Variants in TEX14 observed in about 807,000 individuals in gnomAD.
The protein encoded by TEX14 is testis expressed 14, intercellular bridge forming factor.
Under a neutral mutation model 178.6 loss-of-function variants are expected in TEX14, and 168 were observed. That is an observed-to-expected ratio of 0.94 (90% CI 0.83 to 1.07). The LOEUF (loss-of-function observed/expected upper bound fraction) is 1.07. Among genes scored for constraint, TEX14 ranks in the 50% least tolerant of loss-of-function variants. The pLI, the probability that TEX14 is intolerant of heterozygous loss-of-function variation, is 0.00. For missense variants in TEX14, 1,730 were observed against 1,753.6 expected (o/e 0.99, Z 0.24); for synonymous variants, 626 against 634.1 (o/e 0.99, Z 0.19).
chr17:58,589,087 A>C (rs903758436), intron 15 of TEX14, among the ~76,000 whole-genome samples: 5 of 151,676 alleles, frequency 3.3e-5, no homozygotes, highest in African/African-American at 1.2e-4. Flanking sequence ...CAACATGGTG[A>C]AAACTCTATA....
Position 58,569,313 on chromosome 17 carries a change from G to A in TEX14, c.3818-53C>T. ...AATGTCTTAACACCCTCCTGGACCT[G>A]AACTGAATTTTTCTCGGCTCTCACA... On this transcript the variant is annotated intron_variant, in intron 25 of 31. Transcript: ENST00000349033. This position sits in a 1 kb window ranked among gnomAD's most constrained non-coding sequence, Gnocchi z 4.1. The A allele has an allele frequency of 3.4e-6, 5 of 1,454,350 alleles. No homozygotes were observed. The highest frequency in any genetic ancestry group is 4.8e-6 in the Non-Finnish European group (5 of 1,039,646). The allele number at this position is 1,454,350 out of a possible 1,614,324, so 90.1% of individuals were successfully genotyped here. A position where few individuals can be genotyped will look rare whatever the true frequency, so the allele number is the denominator to read the frequency against.
rs1386922720 is a variant in TEX14 at position 58,601,937 on chromosome 17, C to T, written c.1547G>A (p.Arg516Lys). Residue 516 changes from arginine (R) to lysine (K), a missense_variant, in exon 13 of 32, where the codon AGA becomes AAA. Physicochemically the swap from Arg to Lys is conservative, Grantham distance 26. Around this residue, in one of 2 missense-constraint regions of TEX14, gnomAD observed 789 missense variants for 681.2 expected, o/e 1.16. Coordinates refer to ENST00000349033, the MANE Select transcript of TEX14 (RefSeq NM_031272.5). ...NDLKDFTGAQ[R>K]TQPTESPRVQ... ...TCTGGGGCTCTCGGTTGGTTGAGTT[C>T]TCTGGGCTCCAGTAAAATCCTGTAA... 3 of 1,613,124 alleles carry T rather than the reference C, an allele frequency of 1.9e-6. No homozygotes were observed. The highest frequency in any genetic ancestry group is 2.5e-6 in the Non-Finnish European group (3 of 1,179,992).
intron 1 of TEX14, among the ~76,000 whole-genome samples, chr17:58,662,415 T>TCACACACACACACA (rs200980242): frequency 2.8e-4 from 32 of 114,884 alleles, no homozygotes; most frequent in African/African-American, 7.4e-4. Context: ...CACACATATC[T>TCACACACACACACA]CACACACACA....
intron 14 of TEX14, among the ~76,000 whole-genome samples, chr17:58,594,294 G>T (rs2144448413): frequency 6.6e-6 from 1 of 151,542 alleles, no homozygotes; most frequent in Non-Finnish European, 1.5e-5. Context: ...CTTTGTGGCA[G>T]GAGTAAAGGC....
At chr17:58,629,904 GTT>G (rs369488113) in intron 3 of TEX14, among the ~76,000 whole-genome samples, 45 of 126,018 alleles carry the variant, frequency 3.6e-4, no homozygotes, top group East Asian at 3.0e-3. Flanking sequence ...CGTGTTTCGT[GTT>G]TTTTTTTTTT....
chr17:58,656,674 A>T (rs1017745431), intron 1 of TEX14, among the ~76,000 whole-genome samples: 15 of 151,632 alleles, frequency 9.9e-5, no homozygotes, highest in African/African-American at 3.2e-4. Context: ...GAATCGCTTG[A>T]ACCTGGGAGG....
Position 58,556,929 on chromosome 17 carries a change from A to G in TEX14, c.*82T>C. ...AACTGGAACTGCTGCCCTGACAGCAACTGAAGCAGAAAGAGAAGAAAGGAG... is the reference window on the plus strand; with the variant it reads ...AACTGGAACTGCTGCCCTGACAGCAGCTGAAGCAGAAAGAGAAGAAAGGAG... On this transcript the variant is annotated 3_prime_UTR_variant, in exon 32 of 32. Transcript: ENST00000349033. 8.7e-7 allele frequency: 1 copy of G among 1,152,304 alleles called. No individual in the cohort carries two copies. Among genetic ancestry groups the G allele is most frequent in the Non-Finnish European group, 1.3e-6 (1 of 760,346 alleles). 71.4% of individuals were successfully genotyped at this position (1,152,304 alleles called of 1,614,324 possible).
chr17:58,655,372 TG>T, intron 1 of TEX14, among the ~76,000 whole-genome samples: 1 of 152,028 alleles, frequency 6.6e-6, no homozygotes, highest in Non-Finnish European at 1.5e-5. Context: ...TTAGTAAAGA[TG>T]GGTTCTCACC....
chr17:58,677,358 T>C (rs1298182239), intron 1 of TEX14, among the ~76,000 whole-genome samples: 1 of 152,178 alleles, frequency 6.6e-6, no homozygotes, highest in Non-Finnish European at 1.5e-5. Context: ...CCAACATATA[T>C]GTGGTACTCA....
At chr17:58,586,128 G>A (rs1311856801) in intron 17 of TEX14, 46 bp from the exon 18 acceptor site, 3 of 1,546,092 alleles carry the variant, frequency 1.9e-6, no homozygotes, top group Non-Finnish European at 2.6e-6. Context: ...TGTAAACACT[G>A]GAAACACAGG....
chr17:58,687,582 C>T (rs1327289206), intron 1 of TEX14, among the ~76,000 whole-genome samples: 2 of 152,012 alleles, frequency 1.3e-5, no homozygotes, highest in South Asian at 2.1e-4. Flanking sequence ...ATCCACCCAC[C>T]TAAGCCTCCC....
chr17:58,581,852 AG>A, intron 19 of TEX14: 5 of 1,085,018 alleles, frequency 4.6e-6, no homozygotes, highest in Non-Finnish European at 6.6e-6. Context: ...TGTGACACTG[AG>A]CTGACTCTCC....
At chr17:58,621,516 A>T in intron 5 of TEX14, 134 bp downstream of exon 5, 1 of 887,516 alleles carries the variant, frequency 1.1e-6, no homozygotes. Context: ...TTTTCTTTCC[A>T]AGCACACCCC....
intron 15 of TEX14, 104 bp downstream of exon 15, chr17:58,593,451 A>G: frequency 1.2e-6 from 1 of 847,562 alleles, no homozygotes; most frequent in East Asian, 2.5e-5. Flanking sequence ...TTCATCACTC[A>G]CAGTCCTTTT....
In TEX14 at chr17:58,659,153, G is replaced by GAAAAGCGC. The variant is rs1244702883; in HGVS notation, c.-1-7159_-1-7152dup. Among the ~76,000 whole-genome samples the GAAAAGCGC allele has an allele frequency of 5.3e-5, 8 of 151,054 alleles. No individual in the cohort carries two copies. The East Asian group carries it at 1.6e-3, about 30-fold the overall frequency. On this transcript the variant is annotated intron_variant, in intron 1 of 31. Transcript: ENST00000349033. ...TTTAAACTAGTTCAATCACAGGACA[G>GAAAAGCGC]AAAAGCGCAAAAGCAGTCCCCCACT...
chr17:58,676,978 GTGT>G (rs1165200140), intron 1 of TEX14, among the ~76,000 whole-genome samples: 3 of 152,032 alleles, frequency 2.0e-5, no homozygotes, highest in African/African-American at 7.2e-5. Context: ...AAGTAGCCAG[GTGT>G]TGTGGCGGGT....
chr17:58,574,463 G>C lies in TEX14; in HGVS notation c.3321-214C>G, dbSNP rs191029664. On this transcript the variant is annotated intron_variant, in intron 21 of 31. Transcript: ENST00000349033. ...GAGGCCAAAGCGGGTGGGTCACGAGGTCAACAGATCGAGACCATCCTGGCC... is the reference window on the plus strand; with the variant it reads ...GAGGCCAAAGCGGGTGGGTCACGAGCTCAACAGATCGAGACCATCCTGGCC... Among the ~76,000 whole-genome samples the C allele has an allele frequency of 1.1e-3, 160 of 152,038 alleles. 1 individual carries two copies. The highest frequency in any genetic ancestry group is 3.6e-3 in the African/African-American group (151 of 41,482).
chr17:58,650,218 C>T (rs548540686), intron 2 of TEX14, among the ~76,000 whole-genome samples: 44 of 149,982 alleles, frequency 2.9e-4, no homozygotes, highest in African/African-American at 9.8e-4. Context: ...CCACCACACC[C>T]GGCTAATTAT....
intron 14 of TEX14, among the ~76,000 whole-genome samples, chr17:58,597,738 C>G (rs915882384): frequency 6.6e-6 from 1 of 152,198 alleles, no homozygotes; most frequent in African/African-American, 2.4e-5. Flanking sequence ...TGTTCAAATT[C>G]ATTAATTCAT....
Sources: gnomAD v4.1 joint callset for allele counts (sites outside exome capture counted in the v4.1 genomes callset) on GRCh38, gnomAD v4.1.1 for gene constraint, gnomAD v4.1.1 regional missense constraint, Gnocchi (gnomAD v3.1) non-coding constraint, MANE v1.5 for transcripts, NCBI Gene and HGNC (gene_info 2026-07-23, HGNC 2026-07-21) for gene names.